The following ADCY10 variants were observed in gnomAD, a reference collection of about 807,000 sequenced individuals.
ADCY10 encodes adenylate cyclase 10, also known as adenylate cyclase type 10.
A neutral mutation model predicts 183.3 loss-of-function variants in ADCY10; 156 were observed. That is an observed-to-expected ratio of 0.85 (90% CI 0.75 to 0.97). ADCY10 has a LOEUF of 0.97. Among genes scored for constraint, ADCY10 ranks in the 50% least tolerant of loss-of-function variants. The probability of loss-of-function intolerance (pLI) is 0.00; values close to 1 mark genes in which losing one functional copy is unlikely to be tolerated. For missense variants in ADCY10, 1,745 were observed against 1,934.3 expected (o/e 0.90, Z 1.84); for synonymous variants, 645 against 670.0 (o/e 0.96, Z 0.58).
At position 167,903,807 on chromosome 1, in the gene ADCY10, C is replaced by G. The variant is rs1161819861; in HGVS notation, c.253+80G>C. Reference sequence around the variant, plus strand: ...AGGAGGAGTGCTAAGCAATTGTACTCTATCAGGTTATAATTGACAACTACG... The same window carrying G: ...AGGAGGAGTGCTAAGCAATTGTACTGTATCAGGTTATAATTGACAACTACG... On this transcript the variant is annotated intron_variant, in intron 3 of 32. Transcript: ENST00000367851. 3 of 1,025,542 alleles carry G rather than the reference C, an allele frequency of 2.9e-6. No individual in the cohort carries two copies. The African/African-American group carries it at 4.7e-5, about 16-fold the overall frequency. 63.5% of individuals were successfully genotyped at this position (1,025,542 alleles called of 1,614,324 possible).
chr1:167,823,267 A>C, intron 28 of ADCY10, 144 bp from the exon 29 acceptor site: 3 of 651,706 alleles, frequency 4.6e-6, no homozygotes, highest in Non-Finnish European at 8.3e-6. Flanking sequence ...TCCACTAAAA[A>C]TACAAAAATT....
chr1:167,903,768 A>G, intron 3 of ADCY10, 119 bp downstream of exon 3: 1 of 750,806 alleles, frequency 1.3e-6, no homozygotes, highest in South Asian at 1.5e-5. Context: ...TTTTATACAC[A>G]TTTCATGGGG....
intron 8 of ADCY10, among the ~76,000 whole-genome samples, chr1:167,888,124 T>C (rs369831934): frequency 6.6e-6 from 1 of 152,352 alleles, no homozygotes; most frequent in Admixed American, 6.5e-5. Context: ...TCTATTCTGT[T>C]CCACTGGTCT....
intron 25 of ADCY10, 145 bp from the exon 26 acceptor site, chr1:167,829,568 C>A: frequency 1.2e-6 from 1 of 859,826 alleles, no homozygotes; most frequent in Non-Finnish European, 1.9e-6. Context: ...GACTGACAAA[C>A]AAGCACATTA....
chr1:167,885,595 G>A (rs1668164707), intron 8 of ADCY10, among the ~76,000 whole-genome samples: 2 of 152,040 alleles, frequency 1.3e-5, no homozygotes, highest in African/African-American at 4.8e-5. Context: ...CCATTTGTAT[G>A]TCTTCCTTTG....
intron 8 of ADCY10, among the ~76,000 whole-genome samples, chr1:167,886,540 A>C (rs1668236789): frequency 6.6e-6 from 1 of 152,184 alleles, no homozygotes; most frequent in Admixed American, 6.5e-5. Context: ...CTTATACAAA[A>C]ATTAATTCAA....
chr1:167,847,939 T>TGAAGCA (rs1304484780), intron 19 of ADCY10, among the ~76,000 whole-genome samples: 1 of 152,262 alleles, frequency 6.6e-6, no homozygotes, highest in African/African-American at 2.4e-5. Flanking sequence ...TTCTCACTGC[T>TGAAGCA]TCAGGCAGTA....
chr1:167,820,400 G>C (rs962423794), intron 30 of ADCY10: 20 of 536,324 alleles, frequency 3.7e-5, no homozygotes, highest in Non-Finnish European at 5.8e-5. Context: ...AGCACCCCGA[G>C]AGCTGGCCGA....
rs752565868 is a variant in ADCY10 at position 167,824,704 on chromosome 1, G to A, written c.3902C>T (p.Thr1301Ile). 12 of 1,614,084 alleles carry A rather than the reference G, an allele frequency of 7.4e-6. No individual in the cohort carries two copies. Among genetic ancestry groups the A allele is most frequent in the Admixed American group, 5.0e-5 (3 of 60,006 alleles). ...GIEIVAYVAETLVFNKLIMGH... is the reference protein window; with the variant it reads ...GIEIVAYVAEILVFNKLIMGH... ...CATTATGAGCTTGTTGAAGACCAGT[G>A]TCTCAGCCACGTATGCCACGATTTC... Residue 1301 changes from threonine to isoleucine, a missense_variant, in exon 27 of 33, where the codon ACA (threonine) becomes ATA (isoleucine). By Grantham distance (89) the Thr-to-Ile change is moderately conservative. Coordinates refer to ENST00000367851, the MANE Select transcript of ADCY10 (RefSeq NM_018417.6).
intron 19 of ADCY10, among the ~76,000 whole-genome samples, chr1:167,847,354 A>C (rs1250999640): frequency 1.3e-5 from 2 of 152,208 alleles, no homozygotes; most frequent in Non-Finnish European, 2.9e-5. Flanking sequence ...AGCTGAGTTC[A>C]TACTAAAACA....
At chr1:167,843,390 C>A (rs1165227539) in intron 21 of ADCY10, among the ~76,000 whole-genome samples, 1 of 152,042 alleles carries the variant, frequency 6.6e-6, no homozygotes, top group East Asian at 1.9e-4. Flanking sequence ...CTCACTGACC[C>A]CGCACAGTCA....
chr1:167,912,344 C>T (rs1034952135), intron 1 of ADCY10, among the ~76,000 whole-genome samples: 5 of 152,168 alleles, frequency 3.3e-5, no homozygotes, highest in Non-Finnish European at 7.4e-5. Context: ...GAAACAGGGC[C>T]CACCCAACAT....
Position 167,912,763 on chromosome 1 carries a change from C to T in ADCY10, c.-59+1213G>A, listed in dbSNP as rs985611566. On this transcript the variant is annotated intron_variant, in intron 1 of 32. Coordinates refer to ENST00000367851, the MANE Select transcript of ADCY10 (RefSeq NM_018417.6). ...CGTTTTATCTAAACCGGGATGAGGA[C>T]TAAGAACCTTGGTGTTCCTCCACTC... Among the ~76,000 whole-genome samples the T allele has an allele frequency of 2.6e-5, 4 of 152,204 alleles. No homozygotes were observed. In the East Asian group the frequency reaches 5.8e-4, roughly 22 times the overall value.
chr1:167,896,474 T>G (rs1467598638), intron 7 of ADCY10, 121 bp downstream of exon 7: 1 of 816,908 alleles, frequency 1.2e-6, no homozygotes, highest in African/African-American at 1.7e-5. Context: ...CTTTGTGTGC[T>G]GGTAAGGACC....
intron 14 of ADCY10, among the ~76,000 whole-genome samples, chr1:167,867,533 G>A (rs1666794969): frequency 6.6e-6 from 1 of 152,136 alleles, no homozygotes; most frequent in African/African-American, 2.4e-5. Context: ...TTTGTATAAT[G>A]CTATTCTATC....
At chr1:167,842,898 A>G (rs562280536) in intron 21 of ADCY10, among the ~76,000 whole-genome samples, 4 of 152,222 alleles carry the variant, frequency 2.6e-5, no homozygotes, top group Non-Finnish European at 4.4e-5. Flanking sequence ...TAGAAAGAAC[A>G]GCTAAATTAA....
rs1053504478 is a variant in ADCY10, at chr1:167,850,741, C to T, written c.2309-2252G>A. Among the ~76,000 whole-genome samples the T allele has an allele frequency of 3.4e-5, 5 of 148,090 alleles. No homozygotes were observed. The East Asian group carries it at 7.8e-4, about 23-fold the overall frequency. On this transcript the variant is annotated intron_variant, in intron 18 of 32. Coordinates refer to ENST00000367851, the MANE Select transcript of ADCY10 (RefSeq NM_018417.6). ...AGGAGAGTGGGGCTCAAGGATATGA[C>T]GTGGTCCATGCTATTTTATGCTTAT...
In ADCY10 at chr1:167,868,527, C is replaced by T. The variant is rs576775699; in HGVS notation, c.1616+1730G>A. Among the ~76,000 whole-genome samples, 27 of 152,210 alleles carry T rather than the reference C, an allele frequency of 1.8e-4. 1 individual carries two copies. The South Asian group carries it at 3.3e-3, about 19-fold the overall frequency. ...TCAGTAAATTTCCAAAGTTGCAGAC[C>T]GTTTAAGCCCACCCAGAATTCCACC... On this transcript the variant is annotated intron_variant, in intron 14 of 32. Transcript: ENST00000367851.
At chr1:167,838,917 C>T (rs1410290051) in intron 21 of ADCY10, among the ~76,000 whole-genome samples, 1 of 152,178 alleles carries the variant, frequency 6.6e-6, no homozygotes, top group Non-Finnish European at 1.5e-5. Context: ...GCGCAAGATC[C>T]TTGATTATTT....
Sources: allele counts gnomAD v4.1 joint callset (sites outside exome capture counted in the v4.1 genomes callset), GRCh38; gene constraint gnomAD v4.1.1; transcripts MANE v1.5; gene names NCBI Gene and HGNC (gene_info 2026-07-23, HGNC 2026-07-21).